The following DBF4B variants were observed in gnomAD, a reference collection of about 807,000 sequenced individuals.
The protein encoded by DBF4B is protein DBF4 homolog B.
Under a neutral mutation model 53.4 loss-of-function variants are expected in DBF4B, and 49 were observed. The ratio of observed to expected loss-of-function variants is 0.92; its 90% CI spans 0.73 to 1.16. The LOEUF (loss-of-function observed/expected upper bound fraction) is 1.16, where lower values mean the gene tolerates loss of function less well. Among genes scored for constraint, DBF4B ranks in the 50% most tolerant of loss-of-function variants. DBF4B has a pLI of 0.00. For synonymous variants in DBF4B, 257 were observed against 288.7 expected (o/e 0.89, Z 1.11); for missense variants, 692 against 775.0 (o/e 0.89, Z 1.27).
intron 10 of DBF4B, among the ~76,000 whole-genome samples, chr17:44,745,890 A>G (rs536768856): frequency 6.6e-6 from 1 of 152,110 alleles, no homozygotes; most frequent in South Asian, 2.1e-4. Context: ...GGTTGTTAGA[A>G]ATATGGGGCT....
chr17:44,731,566 G>A (rs1250114670), intron 5 of DBF4B: 1 of 160,492 alleles, frequency 6.2e-6, no homozygotes, highest in East Asian at 1.8e-4. Flanking sequence ...TTGTGCCACT[G>A]CACTCCAGCC....
chr17:44,725,711 G>A (rs1453129570), intron 3 of DBF4B, among the ~76,000 whole-genome samples: 1 of 70,776 alleles, frequency 1.4e-5, no homozygotes, highest in Admixed American at 1.1e-4. Flanking sequence ...TTTTAAGAGG[G>A]GGCCACACTC....
At chr17:44,731,098 C>A (rs1209395615) in intron 5 of DBF4B, 83 bp downstream of exon 5, 2 of 1,512,726 alleles carry the variant, frequency 1.3e-6, no homozygotes, top group Non-Finnish European at 1.8e-6. Context: ...TCTTCTGAAG[C>A]ACCCACACAA....
intron 13 of DBF4B, chr17:44,750,002 G>C: frequency 1.0e-6 from 1 of 1,004,294 alleles, no homozygotes; most frequent in Non-Finnish European, 1.2e-6. Flanking sequence ...GCCCAGCACT[G>C]ACCTTTCCCC....
chr17:44,752,139 T>C lies in DBF4B; in HGVS notation c.*886T>C. ...GGGTGGAATGCAGGAGCTAGCTGCC[T>C]CCAACTCACTGTGACCTCAGAAAAA... On this transcript the variant is annotated 3_prime_UTR_variant, in exon 14 of 14. Coordinates refer to ENST00000315005, the MANE Select transcript of DBF4B (RefSeq NM_145663.3). 1 of 748,944 alleles carries C rather than the reference T, an allele frequency of 1.3e-6. No individual in the cohort carries two copies. Among genetic ancestry groups the C allele is most frequent in the Non-Finnish European group, 2.2e-6 (1 of 452,182 alleles). 46.4% of individuals were successfully genotyped at this position (748,944 alleles called of 1,614,324 possible).
At chr17:44,747,315 G>T in intron 11 of DBF4B, 76 bp from the exon 12 acceptor site, 1 of 1,601,916 alleles carries the variant, frequency 6.2e-7, no homozygotes. Context: ...CAGAGCATGG[G>T]CTGGGAGGTC....
intron 10 of DBF4B, among the ~76,000 whole-genome samples, chr17:44,746,059 A>G: frequency 6.7e-6 from 1 of 148,888 alleles, no homozygotes; most frequent in Non-Finnish European, 1.5e-5. Context: ...AATACAAAAA[A>G]AAAAAAAAAA....
In DBF4B at chr17:44,749,384, C is replaced by T. The variant is rs1035389334; in HGVS notation, c.1189+919C>T. The T allele has an allele frequency of 2.2e-5, 29 of 1,289,392 alleles. No homozygotes were observed. Among genetic ancestry groups the T allele is most frequent in the Non-Finnish European group, 2.9e-5 (29 of 988,878 alleles). 79.9% of individuals were successfully genotyped at this position (1,289,392 alleles called of 1,614,324 possible). A position where few individuals can be genotyped will look rare whatever the true frequency, so the allele number is the denominator to read the frequency against. Reference sequence around the variant, plus strand: ...TGAAGGGCCACAGATACAACTTACTCCTCTGCTGGGTGCTGCACACCCGGC... The same window carrying T: ...TGAAGGGCCACAGATACAACTTACTTCTCTGCTGGGTGCTGCACACCCGGC... On this transcript the variant is annotated intron_variant, in intron 13 of 13. Transcript: ENST00000315005. This position sits in a 1 kb window ranked among gnomAD's most constrained non-coding sequence, Gnocchi z 4.4.
At chr17:44,733,981 T>C (rs1321443228) in intron 6 of DBF4B, 109 bp from the exon 7 acceptor site, 1 of 846,406 alleles carries the variant, frequency 1.2e-6, no homozygotes, top group East Asian at 2.5e-5. Context: ...AAGGCTGGAG[T>C]GATTCAGTGG....
At chr17:44,709,620 C>A (rs1013591864) in intron 2 of DBF4B, among the ~76,000 whole-genome samples, 3 of 152,032 alleles carry the variant, frequency 2.0e-5, no homozygotes, top group African/African-American at 7.2e-5. Context: ...TTCACCAGGC[C>A]CACTTAGTGG....
chr17:44,723,247 C>T (rs1974011142), intron 3 of DBF4B, among the ~76,000 whole-genome samples: 1 of 152,136 alleles, frequency 6.6e-6, no homozygotes, highest in Admixed American at 6.5e-5. Context: ...GCTGAGATGA[C>T]AGGCACACAC....
At chr17:44,725,907 C>T (rs1056838858) in intron 3 of DBF4B, among the ~76,000 whole-genome samples, 154 of 151,728 alleles carry the variant, frequency 1.0e-3, no homozygotes, top group Admixed American at 8.4e-3. Flanking sequence ...AGACTGGTCA[C>T]GACCTCCTGG....
At chr17:44,746,953 G>A (rs571690917) in intron 10 of DBF4B, 130 bp from the exon 11 acceptor site, 12 of 758,472 alleles carry the variant, frequency 1.6e-5, no homozygotes, top group Middle Eastern at 2.4e-4. Context: ...CCTGCCTGCC[G>A]GTGCCTGCAC....
rs1018264306 is a variant in DBF4B at position 44,738,869 on chromosome 17, G to C, written c.713+445G>C. The stretch of plus-strand genomic sequence containing the variant: ...TAGGGGTGGTACTGGGGATTCCCTT[G>C]TCAGGCCACCCTGTACTTGATAAAG... On this transcript the variant is annotated intron_variant, in intron 9 of 13. Coordinates refer to ENST00000315005, the MANE Select transcript of DBF4B (RefSeq NM_145663.3). Among the ~76,000 whole-genome samples the C allele has an allele frequency of 6.8e-4, 103 of 152,192 alleles. 1 individual carries two copies. Among genetic ancestry groups the C allele is most frequent in the Admixed American group, 6.5e-3 (100 of 15,282 alleles).
At chr17:44,734,205 C>A in intron 7 of DBF4B, 42 bp downstream of exon 7, 1 of 1,613,496 alleles carries the variant, frequency 6.2e-7, no homozygotes, top group Non-Finnish European at 8.5e-7. Context: ...GGATGGTTTT[C>A]AATGAAATCA....
chr17:44,715,681 A>G (rs1340302549), intron 2 of DBF4B, among the ~76,000 whole-genome samples: 2 of 151,238 alleles, frequency 1.3e-5, no homozygotes, highest in Non-Finnish European at 2.9e-5. Flanking sequence ...AATGGATATA[A>G]TGTATTCCCT....
chr17:44,721,375 T>C (rs1973829592), intron 2 of DBF4B, among the ~76,000 whole-genome samples: 1 of 151,732 alleles, frequency 6.6e-6, no homozygotes, highest in Non-Finnish European at 1.5e-5. Flanking sequence ...TGTACCACCA[T>C]GCCCAGCTAA....
chr17:44,738,205 A>G (rs896888786), intron 8 of DBF4B, among the ~76,000 whole-genome samples, 174 bp from the exon 9 acceptor site: 48 of 152,258 alleles, frequency 3.2e-4, no homozygotes, highest in Non-Finnish European at 1.6e-4. Flanking sequence ...TCCCAGGGGT[A>G]GAGGCTGGAG....
chr17:44,748,869 C>T, intron 13 of DBF4B: 1 of 1,290,820 alleles, frequency 7.7e-7, no homozygotes, highest in Non-Finnish European at 1.0e-6. Context: ...GGCTCCTCGC[C>T]TCCCTCCAGC....
Sources: allele counts gnomAD v4.1 joint callset (sites outside exome capture counted in the v4.1 genomes callset), GRCh38; gene constraint gnomAD v4.1.1; non-coding constraint Gnocchi (gnomAD v3.1); transcripts MANE v1.5; gene names NCBI Gene and HGNC (gene_info 2026-07-23, HGNC 2026-07-21).